The following AMN1 variants were observed in gnomAD, a reference collection of about 807,000 sequenced individuals.
The protein encoded by AMN1 is antagonist of mitotic exit network 1 homolog, also known as protein AMN1 homolog.
In AMN1, 20 loss-of-function variants were observed where a neutral mutation model predicts 33.0. That is an observed-to-expected ratio of 0.61 (90% confidence interval 0.43 to 0.88). The LOEUF is 0.88. Ranked by LOEUF, AMN1 falls within the 40% of genes least tolerant of loss-of-function variation. AMN1 has a pLI of 0.00. For synonymous variants in AMN1, 114 were observed against 111.9 expected, an observed-to-expected ratio of 1.02 and a Z score of -0.12; for missense variants, 246 against 307.4, an observed-to-expected ratio of 0.80 and a Z score of 1.49.
chr12:31,693,827 C>A (rs1938606191), intron 5 of AMN1, among the ~76,000 whole-genome samples: 1 of 151,954 alleles, frequency 6.6e-6, no homozygotes, highest in African/African-American at 2.4e-5. Context: ...CAGGTGTGAG[C>A]CACCGCACCC....
chr12:31,710,699 C>T (rs191340301), intron 1 of AMN1, among the ~76,000 whole-genome samples: 20 of 152,144 alleles, frequency 1.3e-4, no homozygotes, highest in African/African-American at 3.6e-4. Context: ...TCAAGGCATC[C>T]GACACAGTAC....
intron 1 of AMN1, among the ~76,000 whole-genome samples, chr12:31,721,986 A>G (rs936886316): frequency 6.6e-6 from 1 of 152,206 alleles, no homozygotes; most frequent in African/African-American, 2.4e-5. Flanking sequence ...AACAGAGTAA[A>G]GATTACATGT....
At chr12:31,709,672 T>C (rs1307645403) in intron 1 of AMN1, among the ~76,000 whole-genome samples, 1 of 151,604 alleles carries the variant, frequency 6.6e-6, no homozygotes, top group Non-Finnish European at 1.5e-5. Context: ...AGAAAAAAAA[T>C]ACAAAAATTA....
At chr12:31,705,879 C>T (rs1015826767) in intron 2 of AMN1, among the ~76,000 whole-genome samples, 9 of 152,288 alleles carry the variant, frequency 5.9e-5, no homozygotes, top group African/African-American at 1.9e-4. Context: ...TTAGTTCCCT[C>T]CTACCTTGGT....
At chr12:31,695,903 C>CA (rs1938702153) in intron 5 of AMN1, among the ~76,000 whole-genome samples, 1 of 151,964 alleles carries the variant, frequency 6.6e-6, no homozygotes, top group Non-Finnish European at 1.5e-5. Context: ...AATATTTTGG[C>CA]AAAAACGTGG....
At chr12:31,727,100 C>T (rs1940105482) in intron 1 of AMN1, among the ~76,000 whole-genome samples, 1 of 152,112 alleles carries the variant, frequency 6.6e-6, no homozygotes. Flanking sequence ...AGCAATCCAC[C>T]CTCCTCAGGG....
rs546859584 is a variant in AMN1 at position 31,706,035 on chromosome 12, G to A, written c.171+3258C>T. 1.1e-4 allele frequency among the ~76,000 whole-genome samples: 16 copies of A among 152,026 alleles called. 1 individual carries two copies. The highest frequency in any genetic ancestry group is 2.7e-4 in the African/African-American group (11 of 41,462). On this transcript the variant is annotated intron_variant, in intron 2 of 6. Coordinates refer to ENST00000281471, the MANE Select transcript of AMN1 (RefSeq NM_001113402.2). The stretch of plus-strand genomic sequence containing the variant: ...TCTAATAAATCTGCCTTTCTTGGCC[G>A]GGCGCGGTGGCTCACGCCTGTAATC...
intron 2 of AMN1, among the ~76,000 whole-genome samples, chr12:31,708,027 A>G (rs1456092397): frequency 6.6e-6 from 1 of 152,242 alleles, no homozygotes; most frequent in African/African-American, 2.4e-5. Flanking sequence ...TAACTGTACA[A>G]ATTGATTGTA....
chr12:31,677,317 A>G (rs1483490661), intron 6 of AMN1, among the ~76,000 whole-genome samples: 1 of 152,128 alleles, frequency 6.6e-6, no homozygotes, highest in African/African-American at 2.4e-5. Flanking sequence ...AGAAAAAGAA[A>G]AAGAATCACA....
At position 31,687,511 on chromosome 12, in the gene AMN1, CG is replaced by C. The variant is rs1030736902; in HGVS notation, c.703+1495del. On this transcript the variant is annotated intron_variant, in intron 6 of 6. Coordinates refer to ENST00000281471, the MANE Select transcript of AMN1 (RefSeq NM_001113402.2). The surrounding 1 kb of genome is among the most constrained non-coding windows in gnomAD (Gnocchi z 4.1). ...TGGCCTGACCAGTATGGTGATACCC[CG>C]TCTCTACTAAAAATACAAAAATTAG... is the stretch of plus-strand genomic sequence containing the variant. 1.3e-4 allele frequency among the ~76,000 whole-genome samples: 20 copies of C among 151,768 alleles called. No homozygotes were observed. The highest frequency in any genetic ancestry group is 1.3e-4 in the Admixed American group (2 of 15,220).
chr12:31,696,018 G>A (rs987807436), intron 5 of AMN1, among the ~76,000 whole-genome samples: 41 of 151,744 alleles, frequency 2.7e-4, no homozygotes, highest in Admixed American at 2.5e-3. Context: ...CGAGGGGGGC[G>A]GATCACCTGA....
intron 1 of AMN1, among the ~76,000 whole-genome samples, chr12:31,713,863 A>G (rs1038230711): frequency 1.3e-5 from 2 of 151,326 alleles, no homozygotes; most frequent in Non-Finnish European, 2.9e-5. Context: ...AAGAAAAAAA[A>G]AATTTTCTGA....
chr12:31,694,847 T>C (rs575803361), intron 5 of AMN1, among the ~76,000 whole-genome samples: 3 of 152,136 alleles, frequency 2.0e-5, no homozygotes, highest in East Asian at 1.9e-4. Context: ...CTCACACCTA[T>C]AGTTCTAGCA....
At chr12:31,678,060 A>G (rs1937817795) in intron 6 of AMN1, among the ~76,000 whole-genome samples, 1 of 152,206 alleles carries the variant, frequency 6.6e-6, no homozygotes, top group African/African-American at 2.4e-5. Flanking sequence ...TTTTCCAGTC[A>G]CATCTCTACA....
chr12:31,677,747 G>A (rs369480066), intron 6 of AMN1, among the ~76,000 whole-genome samples: 32 of 152,080 alleles, frequency 2.1e-4, no homozygotes, highest in Non-Finnish European at 4.4e-4. Context: ...TTCATTCTCC[G>A]CAAGTGAGTC....
At chr12:31,706,036 G>A (rs780912366) in intron 2 of AMN1, among the ~76,000 whole-genome samples, 12 of 152,036 alleles carry the variant, frequency 7.9e-5, no homozygotes, top group Non-Finnish European at 1.3e-4. Flanking sequence ...TTCTTGGCCG[G>A]GCGCGGTGGC....
intron 6 of AMN1, among the ~76,000 whole-genome samples, chr12:31,675,965 A>C (rs1937677730): frequency 6.6e-6 from 1 of 151,918 alleles, no homozygotes; most frequent in African/African-American, 2.4e-5. Flanking sequence ...CAATATCCCA[A>C]GGAATTCACT....
At chr12:31,708,328 G>C (rs552042675) in intron 2 of AMN1, among the ~76,000 whole-genome samples, 1 of 152,118 alleles carries the variant, frequency 6.6e-6, no homozygotes, top group African/African-American at 2.4e-5. Context: ...GGGAGTGTCT[G>C]TCCTATGCGG....
chr12:31,704,467 A>AAT lies in AMN1; in HGVS notation c.172-2462_172-2461dup, dbSNP rs754998094. Among the ~76,000 whole-genome samples, 28 of 150,390 alleles carry AAT rather than the reference A, an allele frequency of 1.9e-4. 1 individual carries two copies. Among genetic ancestry groups the AAT allele is most frequent in the Admixed American group, 8.6e-4 (13 of 15,052 alleles). ...CCCCTAGATTTTCATACATACTGTA[A>AAT]ATATTTTTCCAAGTTTTTGACTTTG... On this transcript the variant is annotated intron_variant, in intron 2 of 6. Transcript: ENST00000281471.
Sources: allele counts gnomAD v4.1 joint callset (sites outside exome capture counted in the v4.1 genomes callset), GRCh38; gene constraint gnomAD v4.1.1; non-coding constraint Gnocchi (gnomAD v3.1); transcripts MANE v1.5; gene names NCBI Gene and HGNC (gene_info 2026-07-23, HGNC 2026-07-21).